The following TNC variants were observed in gnomAD, a reference collection of about 807,000 sequenced individuals.
TNC encodes tenascin C, also known as tenascin.
TNC carries 109 observed loss-of-function variants against 202.4 expected under a neutral mutation model. That is an observed-to-expected ratio of 0.54 (90% confidence interval 0.46 to 0.63). TNC has a LOEUF of 0.63. TNC is among the 30% of genes least tolerant of loss of function. The probability of loss-of-function intolerance (pLI) is 0.00; values close to 1 mark genes in which losing one functional copy is unlikely to be tolerated. For missense variants in TNC, 2,756 were observed against 2,833.3 expected, an observed-to-expected ratio of 0.97 and a Z score of 0.62; for synonymous variants, 1,007 against 1,089.7, an observed-to-expected ratio of 0.92 and a Z score of 1.50.
chr9:115,028,002 C>G (rs1031951821), intron 25 of TNC, among the ~76,000 whole-genome samples: 1 of 152,156 alleles, frequency 6.6e-6, no homozygotes, highest in Non-Finnish European at 1.5e-5. Flanking sequence ...CTCAAGCAAG[C>G]ATCTGGTTCC....
intron 27 of TNC, among the ~76,000 whole-genome samples, chr9:115,021,997 T>G (rs1829108949): frequency 6.6e-6 from 1 of 152,214 alleles, no homozygotes; most frequent in Non-Finnish European, 1.5e-5. Flanking sequence ...CCTTGAAATT[T>G]TGGCCAAAGC....
chr9:115,073,747 C>T lies in TNC; in HGVS notation c.3070G>A (p.Gly1024Ser), dbSNP rs751787471. Residue 1024 changes from glycine (G) to serine (S), a missense_variant, in exon 10 of 28, where the codon GGC (glycine) becomes AGC (serine). Coordinates refer to ENST00000350763, the MANE Select transcript of TNC (RefSeq NM_002160.4). ...RYRLNYSLPTGQWVGVQLPRN... is the reference protein window; with the variant it reads ...RYRLNYSLPTSQWVGVQLPRN... Reference sequence around the variant, plus strand: ...GGAAGCTGCACTCCCACCCACTGGCCTGTGGGGAGACTGTAATTGAGGCGG... The same window carrying T: ...GGAAGCTGCACTCCCACCCACTGGCTTGTGGGGAGACTGTAATTGAGGCGG... 1 of 1,614,204 alleles carries T rather than the reference C, an allele frequency of 6.2e-7. No individual in the cohort carries two copies. The highest frequency in any genetic ancestry group is 2.2e-5 in the East Asian group (1 of 44,882).
intron 14 of TNC, among the ~76,000 whole-genome samples, chr9:115,058,930 G>C (rs1832335572): frequency 6.6e-6 from 1 of 152,094 alleles, no homozygotes; most frequent in Non-Finnish European, 1.5e-5. Context: ...CACCCTCCTG[G>C]GTCTGGGGCT....
At chr9:115,037,028 A>G (rs1830385391) in intron 20 of TNC, among the ~76,000 whole-genome samples, 1 of 152,194 alleles carries the variant, frequency 6.6e-6, no homozygotes, top group African/African-American at 2.4e-5. Context: ...TACCTGATTC[A>G]TTTTAGGTGC....
intron 2 of TNC, 65 bp downstream of exon 2, chr9:115,090,497 G>A: frequency 7.6e-7 from 1 of 1,320,568 alleles, no homozygotes; most frequent in Non-Finnish European, 1.0e-6. Context: ...AGTGATGGAT[G>A]CTGCTATGCT....
intron 9 of TNC, 104 bp downstream of exon 9, chr9:115,075,928 T>C: frequency 9.9e-7 from 1 of 1,010,346 alleles, no homozygotes; most frequent in Non-Finnish European, 1.5e-6. Context: ...CCCTTTTTCC[T>C]CCAGGCTTCT....
chr9:115,070,982 T>C (rs1833423933), intron 10 of TNC, among the ~76,000 whole-genome samples: 1 of 152,232 alleles, frequency 6.6e-6, no homozygotes, highest in East Asian at 1.9e-4. Context: ...TCTCTGAAGT[T>C]AGATCCAGTG....
At chr9:115,035,539 G>A (rs1395537899) in intron 21 of TNC, 2 of 518,840 alleles carry the variant, frequency 3.9e-6, no homozygotes, top group South Asian at 2.7e-5. Flanking sequence ...TCATCCTAAG[G>A]GCTGGATGTT....
intron 5 of TNC, 141 bp downstream of exon 5, chr9:115,082,551 T>C (rs1588151434): frequency 3.3e-6 from 2 of 614,740 alleles, no homozygotes; most frequent in Admixed American, 3.0e-5. Flanking sequence ...AAAATATAGA[T>C]GCAAACACAA....
At chr9:115,069,630 C>T (rs372065960) in intron 10 of TNC, among the ~76,000 whole-genome samples, 386 of 10,710 alleles carry the variant, frequency 0.036, 39 homozygotes, top group Non-Finnish European at 0.051. Context: ...CTCCCTCCCT[C>T]CCTCCCTCCC....
intron 6 of TNC, 89 bp downstream of exon 6, chr9:115,081,683 T>A (rs1362211593): frequency 2.9e-6 from 4 of 1,382,242 alleles, no homozygotes; most frequent in Middle Eastern, 2.2e-4. Context: ...ATGATGTAGA[T>A]GCTATATGAG....
intron 18 of TNC, among the ~76,000 whole-genome samples, chr9:115,041,437 G>A (rs1348408327): frequency 6.6e-6 from 1 of 152,126 alleles, no homozygotes; most frequent in Non-Finnish European, 1.5e-5. Flanking sequence ...ACTATGTAAT[G>A]TATGTCAGAT....
At chr9:115,111,483 A>G (rs1024752831) in intron 1 of TNC, among the ~76,000 whole-genome samples, 4 of 129,304 alleles carry the variant, frequency 3.1e-5, no homozygotes, top group Non-Finnish European at 6.1e-5. Context: ...ATCTTGGCTC[A>G]CTGCAACCTA....
intron 12 of TNC, 34 bp downstream of exon 12, chr9:115,063,762 G>A (rs773752993): frequency 6.3e-7 from 1 of 1,590,138 alleles, no homozygotes; most frequent in South Asian, 1.1e-5. Flanking sequence ...GAGACAAAGG[G>A]GAGGAAGTGA....
In TNC at chr9:115,095,492, G is replaced by A. The variant is rs1176476453; in HGVS notation, c.-136-4338C>T. ...TATGTATATATATGTATATATATAT[G>A]TATATATATGTATATATATATGTAT... On this transcript the variant is annotated intron_variant, in intron 1 of 27. Coordinates refer to ENST00000350763, the MANE Select transcript of TNC (RefSeq NM_002160.4). 5.0e-4 allele frequency among the ~76,000 whole-genome samples: 6 copies of A among 12,116 alleles called. 1 individual carries two copies. Among genetic ancestry groups the A allele is most frequent in the Admixed American group, 1.8e-3 (1 of 556 alleles). The allele number at this position is 12,116 out of a possible 152,430, so 7.9% of individuals were successfully genotyped here.
intron 15 of TNC, chr9:115,052,904 C>T: frequency 1.4e-6 from 1 of 702,752 alleles, no homozygotes; most frequent in South Asian, 1.5e-5. Flanking sequence ...GTGAGCGTCA[C>T]TCACATTGAT....
intron 25 of TNC, among the ~76,000 whole-genome samples, chr9:115,028,042 C>G (rs1829647269): frequency 6.6e-6 from 1 of 152,170 alleles, no homozygotes; most frequent in South Asian, 2.1e-4. Context: ...TTATAGGTAA[C>G]TGGAACTTCT....
rs1444523163 is a variant in TNC at position 115,057,301 on chromosome 9, C to A, written c.4431G>T (p.Arg1477Ser). The change falls in exon 15 of 28, where the codon AGG becomes AGT. Residue 1477 changes from arginine (R) to serine (S), a missense_variant. Coordinates refer to ENST00000350763, the MANE Select transcript of TNC (RefSeq NM_002160.4). ...TATTATATTCCACAGTCTCCAGCAACCTATTGGAATCAATAATTTCAATGG... is the reference window on the plus strand; with the variant it reads ...TATTATATTCCACAGTCTCCAGCAAACTATTGGAATCAATAATTTCAATGG... ...TFTIEIIDSN[R>S]LLETVEYNIS... 4 of 1,614,136 alleles carry A rather than the reference C, an allele frequency of 2.5e-6. No individual in the cohort carries two copies. Among genetic ancestry groups the A allele is most frequent in the Non-Finnish European group, 3.4e-6 (4 of 1,180,036 alleles).
Position 115,083,046 on chromosome 9 carries a change from C to T in TNC, c.2132-239G>A, listed in dbSNP as rs59487455. ...TTCATATGTTTAAATCTAAAATGAA[C>T]GCAGGCTTTGGAATCAGACAGACTT... On this transcript the variant is annotated intron_variant, in intron 4 of 27. Transcript: ENST00000350763. Among the ~76,000 whole-genome samples, 4,278 of 152,232 alleles carry T rather than the reference C, an allele frequency of 0.028. 433 individuals carry two copies. The East Asian group carries it at 0.39, about 14-fold the overall frequency.
Sources: gnomAD v4.1 joint callset for allele counts (sites outside exome capture counted in the v4.1 genomes callset) on GRCh38, gnomAD v4.1.1 for gene constraint, MANE v1.5 for transcripts, NCBI Gene and HGNC (gene_info 2026-07-23, HGNC 2026-07-21) for gene names.